Variants in MAGIX observed in about 807,000 individuals in gnomAD.
MAGIX encodes the protein PDZ domain-containing protein MAGIX.
MAGIX carries 13 observed loss-of-function variants against 10.0 expected under a neutral mutation model. The ratio of observed to expected loss-of-function variants is 1.30; its 90% CI spans 0.84 to 2.06. MAGIX has a LOEUF of 2.06. Among genes scored for constraint, MAGIX ranks in the 30% most tolerant of loss-of-function variants. The probability of loss-of-function intolerance (pLI) is 0.00; values close to 1 mark genes in which losing one functional copy is unlikely to be tolerated. For synonymous variants in MAGIX, 108 were observed against 106.8 expected, an observed-to-expected ratio of 1.01 and a Z score of -0.07; for missense variants, 235 against 245.2, an observed-to-expected ratio of 0.96 and a Z score of 0.28.
chrX:49,164,774 G>A lies in MAGIX; in HGVS notation c.14G>A (p.Trp5Ter). Residue 5 changes from tryptophan (W) to a stop codon, truncating the protein, a stop_gained, in exon 3 of 5, where the codon TGG (tryptophan) becomes TAG (stop). Coordinates refer to ENST00000616266, the Ensembl canonical transcript of MAGIX. LOFTEE classifies it high-confidence loss of function. ...GTCGCCTGCCTCATGCCACTATTGT[G>A]GATCACCGGCCCCAGGTACCATCTC... 1 of 1,211,783 alleles carries A rather than the reference G, an allele frequency of 8.3e-7. No individual in the cohort carries two copies. The highest frequency in any genetic ancestry group is 1.1e-6 in the Non-Finnish European group (1 of 895,199).
At chrX:49,165,043 C>T (rs781836801) in exon 3 of MAGIX, 13 of 1,208,258 alleles carry the variant, frequency 1.1e-5, no homozygotes, top group Middle Eastern at 4.6e-4. Context: ...GCTGGCCGTG[C>T]GCGGGCTGCT....
At chrX:49,164,022 T>A in intron 2 of MAGIX, 93 bp downstream of exon 2, 1 of 869,372 alleles carries the variant, frequency 1.2e-6, no homozygotes, top group Non-Finnish European at 1.5e-6. Context: ...GCTACTGCCC[T>A]GTCTTGGGTG....
exon 5 of MAGIX, chrX:49,166,665 G>A (rs2065370434): frequency 3.0e-6 from 1 of 338,317 alleles, no homozygotes; most frequent in Non-Finnish European, 5.2e-6. Context: ...GGCGGGGTGG[G>A]GCTGCCCGGG....
At chrX:49,166,347 G>T in exon 5 of MAGIX, 1 of 1,163,676 alleles carries the variant, frequency 8.6e-7, no homozygotes, top group African/African-American at 1.8e-5. Flanking sequence ...CTAGGGGTCC[G>T]GGGGGCAGCG....
chrX:49,163,790 C>T, exon 2 of MAGIX: 1 of 1,048,665 alleles, frequency 9.5e-7, no homozygotes, highest in Non-Finnish European at 1.2e-6. Context: ...CAGGCCGCGG[C>T]CCCTCCCCGC....
chrX:49,163,582 A>G, intron 1 of MAGIX: 2 of 293,562 alleles, frequency 6.8e-6, no homozygotes, highest in Non-Finnish European at 1.2e-5. Context: ...ACACCGTGGG[A>G]GCAAGCGGGG....
chrX:49,165,822 A>G, intron 4 of MAGIX: 1 of 380,133 alleles, frequency 2.6e-6, no homozygotes, highest in Non-Finnish European at 4.5e-6. Flanking sequence ...CTCCTAGATG[A>G]GCGGGGTTTG....
At chrX:49,167,208 C>T (rs1175208038) in exon 5 of MAGIX, 2 of 114,161 alleles carry the variant, frequency 1.8e-5, no homozygotes, top group African/African-American at 6.4e-5. Flanking sequence ...ACCTTTGGGC[C>T]GTGCCCCCAT....
chrX:49,162,831 G>A, intron 1 of MAGIX: 2 of 709,164 alleles, frequency 2.8e-6, no homozygotes, highest in Non-Finnish European at 4.0e-6. Context: ...AGGTGAGCGC[G>A]CCCCAGAGCT....
At chrX:49,164,652 G>A (rs1557097103) in intron 2 of MAGIX, 55 bp from the exon 3 acceptor site, 2 of 1,044,792 alleles carry the variant, frequency 1.9e-6, no homozygotes, top group East Asian at 6.1e-5. Flanking sequence ...ACAGGTCCTA[G>A]GTAGTTTCCA....
Position 49,163,773 on chromosome X carries a change from T to A in MAGIX, c.-201-10T>A, listed in dbSNP as rs782503523. On this transcript the variant is annotated splice_polypyrimidine_tract_variant and intron_variant, in intron 1 of 4. Transcript: ENST00000616266. ...AGGGTCGGCGTTGACCTGTCCCCTC[T>A]TGCGCGCAGGCCGCGGCCCCTCCCC... 9.6e-7 allele frequency: 1 copy of A among 1,042,887 alleles called. No homozygotes were observed. Among genetic ancestry groups the A allele is most frequent in the African/African-American group, 2.0e-5 (1 of 49,938 alleles). 85.9% of individuals were successfully genotyped at this position (1,042,887 alleles called of 1,213,427 possible).
exon 2 of MAGIX, chrX:49,163,921 G>A (rs1278863939): frequency 9.8e-7 from 1 of 1,017,811 alleles, no homozygotes; most frequent in Non-Finnish European, 1.3e-6. Context: ...CGCCTGCGCC[G>A]GAAGGAGGGT....
exon 2 of MAGIX, chrX:49,163,880 A>G: frequency 4.6e-5 from 48 of 1,035,013 alleles, no homozygotes; most frequent in Non-Finnish European, 5.9e-5. Flanking sequence ...TCGACGTGGC[A>G]GCGCTGGTAC....
At position 49,166,450 on chromosome X, in the gene MAGIX, G is replaced by GGCGCGTGT. The variant is rs1274425690; in HGVS notation, c.*53_*60dup. The GGCGCGTGT allele has an allele frequency of 4.9e-6, 5 of 1,014,885 alleles. No homozygotes were observed. In the East Asian group the frequency reaches 1.0e-4, roughly 20 times the overall value. 83.6% of individuals were successfully genotyped at this position (1,014,885 alleles called of 1,213,427 possible). Reference sequence around the variant, plus strand: ...ACTAGTTACCGCCCAACCTGGATCCGGCGCGTGTGGCCGCTGGGCACTTGG... The same window carrying GGCGCGTGT: ...ACTAGTTACCGCCCAACCTGGATCCGGCGCGTGTGCGCGTGTGGCCGCTGGGCACTTGG... On this transcript the variant is annotated 3_prime_UTR_variant, in exon 5 of 5. Coordinates refer to ENST00000616266, the Ensembl canonical transcript of MAGIX.
rs1406975592 is a variant in MAGIX at position 49,163,769 on chromosome X, C to G, written c.-201-14C>G. 3.8e-6 allele frequency: 4 copies of G among 1,043,453 alleles called. No homozygotes were observed. Among genetic ancestry groups the G allele is most frequent in the Non-Finnish European group, 4.9e-6 (4 of 818,202 alleles). 86.0% of individuals were successfully genotyped at this position (1,043,453 alleles called of 1,213,427 possible). A position where few individuals can be genotyped will look rare whatever the true frequency, so the allele number is the denominator to read the frequency against. On this transcript the variant is annotated splice_polypyrimidine_tract_variant and intron_variant, in intron 1 of 4. Transcript: ENST00000616266. ...GCCGAGGGTCGGCGTTGACCTGTCC[C>G]CTCTTGCGCGCAGGCCGCGGCCCCT... is the stretch of plus-strand genomic sequence containing the variant.
chrX:49,163,650 T>G (rs1381256449), intron 1 of MAGIX, 133 bp from the exon 2 acceptor site: 33 of 602,973 alleles, frequency 5.5e-5, no homozygotes, highest in Non-Finnish European at 1.3e-5. Context: ...AGCAGTGACC[T>G]CCGAAACTAT....
chrX:49,168,155 A>G (rs938019515), exon 5 of MAGIX: 1 of 112,191 alleles, frequency 8.9e-6, no homozygotes, highest in Non-Finnish European at 1.9e-5. Context: ...GATGTCAGAC[A>G]AAAAAGACGA....
chrX:49,164,779 AC>A lies in MAGIX; in HGVS notation c.21del (p.Gly8AlafsTer31). ...CTGCCTCATGCCACTATTGTGGATC[AC>A]CGGCCCCAGGTACCATCTCATCCTT... On this transcript the variant is annotated frameshift_variant, in exon 3 of 5. Coordinates refer to ENST00000616266, the Ensembl canonical transcript of MAGIX. LOFTEE classifies it high-confidence loss of function. 8.3e-7 allele frequency: 1 copy of A among 1,211,724 alleles called. No individual in the cohort carries two copies. Among genetic ancestry groups the A allele is most frequent in the Non-Finnish European group, 1.1e-6 (1 of 895,149 alleles).
intron 2 of MAGIX, 60 bp from the exon 3 acceptor site, chrX:49,164,647 T>C (rs1557097101): frequency 9.9e-7 from 1 of 1,006,171 alleles, no homozygotes; most frequent in Non-Finnish European, 1.4e-6. Context: ...AGGGAACAGG[T>C]CCTAGGTAGT....
Sources: gnomAD v4.1 joint callset for allele counts on GRCh38, gnomAD v4.1.1 for gene constraint, MANE v1.5 for transcripts, NCBI Gene and HGNC (gene_info 2026-07-23, HGNC 2026-07-21) for gene names.